The following CSRNP1 variants were observed in gnomAD, a reference collection of about 807,000 sequenced individuals.
CSRNP1 encodes the protein cysteine and serine rich nuclear protein 1.
CSRNP1 carries 8 observed loss-of-function variants against 25.0 expected under a neutral mutation model. That is an observed-to-expected ratio of 0.32 (90% confidence interval 0.19 to 0.58). The LOEUF (loss-of-function observed/expected upper bound fraction) is 0.58. Among genes scored for constraint, CSRNP1 ranks in the 20% least tolerant of loss-of-function variants. The pLI is 0.88. For synonymous variants in CSRNP1, 305 were observed against 303.1 expected (o/e 1.01, Z -0.06); for missense variants, 691 against 773.1 (o/e 0.89, Z 1.26).
rs756807596 is a variant in CSRNP1 at position 39,144,185 on chromosome 3, G to T, written c.732C>A (p.Ile244=). ...REDCGCHCDR[I]CDPETCSCSL... The stretch of plus-strand genomic sequence containing the variant: ...TGCAGCTGCAGGTCTCAGGGTCGCA[G>T]ATCCTATCGCAGTGACAGCCACAAT... The change falls in exon 4 of 5, where the codon ATC becomes ATA. Residue 244 remains isoleucine (I), a synonymous_variant. Transcript: ENST00000273153. 3.7e-6 allele frequency: 6 copies of T among 1,614,176 alleles called. No homozygotes were observed. In the Admixed American group the frequency reaches 1.0e-4, roughly 27 times the overall value.
rs114897817 is a variant in CSRNP1 at position 39,142,978 on chromosome 3, C to T, written c.*77G>A. ...TGAGCCAGCCAGTGGGAGACTGTTACGCAGACTCTGGGGAGCCCCATAATT... is the reference window on the plus strand; with the variant it reads ...TGAGCCAGCCAGTGGGAGACTGTTATGCAGACTCTGGGGAGCCCCATAATT... On this transcript the variant is annotated 3_prime_UTR_variant, in exon 5 of 5. Transcript: ENST00000273153. 1.1e-5 allele frequency: 16 copies of T among 1,493,778 alleles called. No homozygotes were observed. Among genetic ancestry groups the T allele is most frequent in the East Asian group, 2.3e-5 (1 of 43,866 alleles). 92.5% of individuals were successfully genotyped at this position (1,493,778 alleles called of 1,614,324 possible). A position where few individuals can be genotyped will look rare whatever the true frequency, so the allele number is the denominator to read the frequency against.
At chr3:39,146,344 T>C (rs985340075) in intron 2 of CSRNP1, 134 bp downstream of exon 2, 2 of 1,141,048 alleles carry the variant, frequency 1.8e-6, no homozygotes, top group Non-Finnish European at 2.4e-6. Flanking sequence ...GTGACCACTA[T>C]ATTATAGCTC....
intron 1 of CSRNP1, chr3:39,148,715 C>T (rs954491170): frequency 6.6e-6 from 1 of 152,562 alleles, no homozygotes; most frequent in Admixed American, 6.5e-5. Flanking sequence ...TCATCCTCAA[C>T]TCCTTCCTCT....
chr3:39,143,744 A>G lies in CSRNP1; in HGVS notation c.1081T>C (p.Ser361Pro). ...DMTDSSTASSSASGTSEAPDC... is the reference protein window; with the variant it reads ...DMTDSSTASSPASGTSEAPDC... ...GGAGCCTCACTAGTGCCCGATGCTG[A>G]TGAAGATGCTGTAGAAGAATCAGTC... The change falls in exon 5 of 5, where the codon TCA becomes CCA. Residue 361 changes from serine (S) to proline (P), a missense_variant. By Grantham distance (74) the Ser-to-Pro change is moderately conservative (BLOSUM62 -1). Coordinates refer to ENST00000273153, the MANE Select transcript of CSRNP1 (RefSeq NM_033027.4). The G allele has an allele frequency of 6.2e-7, 1 of 1,614,068 alleles. No individual in the cohort carries two copies. Among genetic ancestry groups the G allele is most frequent in the Non-Finnish European group, 8.5e-7 (1 of 1,179,960 alleles).
chr3:39,153,003 C>G (rs1244841252), intron 1 of CSRNP1: 2 of 152,296 alleles, frequency 1.3e-5, no homozygotes, highest in African/African-American at 4.8e-5. Context: ...CTCCCGCAGC[C>G]TCCCCGAGGG....
chr3:39,144,883 T>C, intron 3 of CSRNP1, 114 bp downstream of exon 3: 1 of 1,300,664 alleles, frequency 7.7e-7, no homozygotes, highest in African/African-American at 1.5e-5. Flanking sequence ...CACAGGCCTG[T>C]TTCCCCATAA....
At chr3:39,148,173 C>G (rs565994362) in intron 1 of CSRNP1, 7 of 152,350 alleles carry the variant, frequency 4.6e-5, no homozygotes, top group South Asian at 2.1e-4. Flanking sequence ...GCCAATCCCC[C>G]ACCCTGGGCC....
At chr3:39,151,540 T>G (rs1337299255) in intron 1 of CSRNP1, 1 of 152,386 alleles carries the variant, frequency 6.6e-6, no homozygotes, top group Non-Finnish European at 1.5e-5. Context: ...CCCAAGCCAG[T>G]CTTAGGGAGG....
chr3:39,154,575 C>G (rs892359830), upstream of CSRNP1: 7 of 152,518 alleles, frequency 4.6e-5, no homozygotes, highest in Non-Finnish European at 1.0e-4. Flanking sequence ...TCTCTGCTTA[C>G]CAGAATCCCA....
chr3:39,149,622 C>G (rs1217362807), intron 1 of CSRNP1: 1 of 152,420 alleles, frequency 6.6e-6, no homozygotes, highest in Middle Eastern at 3.4e-3. Flanking sequence ...CACTCCCACG[C>G]CTAGAACCAC....
intron 1 of CSRNP1, chr3:39,149,202 A>C (rs989489877): frequency 6.6e-6 from 1 of 152,142 alleles, no homozygotes; most frequent in African/African-American, 2.4e-5. Flanking sequence ...GAAAGAAGGC[A>C]GACACGAAAT....
At chr3:39,148,043 G>A (rs1328919197) in intron 1 of CSRNP1, among the ~76,000 whole-genome samples, 4 of 152,134 alleles carry the variant, frequency 2.6e-5, no homozygotes, top group African/African-American at 7.2e-5. Flanking sequence ...CTTCCCAGCC[G>A]CCTACAAAGT....
Position 39,144,294 on chromosome 3 carries a change from C to A in CSRNP1, c.623G>T (p.Arg208Leu). 6.2e-7 allele frequency: 1 copy of A among 1,614,198 alleles called. No individual in the cohort carries two copies. Among genetic ancestry groups the A allele is most frequent in the East Asian group, 2.2e-5 (1 of 44,874 alleles). ...CACACCTGAAGCCCTCAGCAGAGCT[C>A]GACGTCGCCGGGCTGGGTAGGGCTG... ...FLQPYPARRR[R>L]ALLRASGVRR... The change falls in exon 4 of 5, where the codon CGA becomes CTA. Residue 208 changes from arginine to leucine, a missense_variant. Arg to Leu is a moderately radical substitution (Grantham distance 102). Coordinates refer to ENST00000273153, the MANE Select transcript of CSRNP1 (RefSeq NM_033027.4).
At chr3:39,147,211 CTGTGTGTGTG>C (rs10679310) in intron 1 of CSRNP1, among the ~76,000 whole-genome samples, 4 of 148,458 alleles carry the variant, frequency 2.7e-5, no homozygotes, top group Non-Finnish European at 6.0e-5. Flanking sequence ...ATCTGTGTGC[CTGTGTGTGTG>C]TGTGTGTGTG....
chr3:39,154,558 T>A (rs188094874), upstream of CSRNP1: 5 of 152,628 alleles, frequency 3.3e-5, no homozygotes, highest in East Asian at 9.6e-4. Flanking sequence ...AATGCTCTCC[T>A]GCCCTCTCTC....
At chr3:39,153,872 C>G (rs2039621754), upstream of CSRNP1, 1 of 152,396 alleles carries the variant, frequency 6.6e-6, no homozygotes, top group Middle Eastern at 3.4e-3. Context: ...GCGGACGACT[C>G]AAGCCGGCAG....
In CSRNP1 at chr3:39,145,154, A is replaced by G; in HGVS notation, c.308T>C (p.Val103Ala). The G allele has an allele frequency of 6.2e-7, 1 of 1,614,274 alleles. No individual in the cohort carries two copies. Among genetic ancestry groups the G allele is most frequent in the Non-Finnish European group, 8.5e-7 (1 of 1,180,044 alleles). Residue 103 changes from valine (V) to alanine (A), a missense_variant, in exon 3 of 5, where the codon GTG (valine) becomes GCG (alanine). Physicochemically the swap from Val to Ala is moderately conservative, Grantham distance 64 (BLOSUM62 0). Transcript: ENST00000273153. ...YFPRCQGFTS[V>A]PSRGGCTLGM... ...CAGAGTACAGCCACCACGGCTGGGC[A>G]CACTGGTGAAGCCCTGGCAGCGGGG...
chr3:39,144,529 T>A, intron 3 of CSRNP1, 78 bp from the exon 4 acceptor site: 1 of 1,363,436 alleles, frequency 7.3e-7, no homozygotes, highest in Non-Finnish European at 9.8e-7. Context: ...AGACAAACCC[T>A]CCCCAAGTGC....
intron 1 of CSRNP1, among the ~76,000 whole-genome samples, chr3:39,147,315 C>T (rs2039528959): frequency 6.6e-6 from 1 of 152,060 alleles, no homozygotes; most frequent in South Asian, 2.1e-4. Context: ...CCTCCTCCTC[C>T]TCCAGCACAT....
Sources: gnomAD v4.1 joint callset for allele counts (sites outside exome capture counted in the v4.1 genomes callset) on GRCh38, gnomAD v4.1.1 for gene constraint, MANE v1.5 for transcripts, NCBI Gene and HGNC (gene_info 2026-07-23, HGNC 2026-07-21) for gene names.